The following EYA4 variants were observed in gnomAD, a reference collection of about 807,000 sequenced individuals.
EYA4 encodes protein phosphatase EYA4.
EYA4 carries 31 observed loss-of-function variants against 87.9 expected under a neutral mutation model. The observed-to-expected ratio is 0.35, with a 90% CI of 0.27 to 0.48. The LOEUF (loss-of-function observed/expected upper bound fraction) is 0.48, where lower values mean the gene tolerates loss of function less well. EYA4 is among the 20% of genes least tolerant of loss of function. The pLI is 0.99. For missense variants in EYA4, 678 were observed against 761.4 expected (o/e 0.89, Z 1.29); for synonymous variants, 263 against 270.6 (o/e 0.97, Z 0.28).
intron 2 of EYA4, among the ~76,000 whole-genome samples, chr6:133,310,661 A>G (rs1295745231): frequency 1.3e-5 from 2 of 152,226 alleles, no homozygotes; most frequent in Non-Finnish European, 2.9e-5. Context: ...CAGTGACTAA[A>G]AGATATTTGG....
intron 3 of EYA4, among the ~76,000 whole-genome samples, chr6:133,399,484 GA>G (rs147715035): frequency 9.3e-5 from 14 of 150,682 alleles, no homozygotes; most frequent in African/African-American, 1.7e-4. Flanking sequence ...AAGCTGTTGA[GA>G]AAAAAAAATA....
rs555042794 is a variant in EYA4, at chr6:133,290,132, A to G, written c.33+15319A>G. 4.1e-4 allele frequency among the ~76,000 whole-genome samples: 63 copies of G among 152,270 alleles called. No homozygotes were observed. The South Asian group carries it at 0.012, about 30-fold the overall frequency. The stretch of plus-strand genomic sequence containing the variant: ...ATGAATGTATATATAATATAAATGC[A>G]TTAACTCATTTAATTCTCATGACGA... On this transcript the variant is annotated intron_variant, in intron 2 of 19. Coordinates refer to ENST00000355286, the MANE Select transcript of EYA4 (RefSeq NM_004100.5).
intron 1 of EYA4, among the ~76,000 whole-genome samples, chr6:133,256,161 T>A (rs2128237161): frequency 6.6e-6 from 1 of 151,472 alleles, no homozygotes; most frequent in Middle Eastern, 3.4e-3. Context: ...TACTCCACTA[T>A]GATTAGGATA....
intron 1 of EYA4, among the ~76,000 whole-genome samples, chr6:133,265,290 A>C (rs1776126441): frequency 1.3e-5 from 2 of 151,652 alleles, no homozygotes; most frequent in South Asian, 4.2e-4. Context: ...TTTTGCTGTT[A>C]CTTTCAGTGG....
chr6:133,381,435 G>A (rs1422349069), intron 2 of EYA4, among the ~76,000 whole-genome samples: 4 of 152,088 alleles, frequency 2.6e-5, no homozygotes, highest in Non-Finnish European at 1.5e-5. Context: ...TTACTTTTAA[G>A]TGGTACTGTT....
chr6:133,476,312 T>C (rs1795726967), intron 11 of EYA4, among the ~76,000 whole-genome samples: 1 of 152,090 alleles, frequency 6.6e-6, no homozygotes, highest in Non-Finnish European at 1.5e-5. Context: ...ACATTGTTAC[T>C]ACGTATAGTA....
chr6:133,415,233 C>T (rs1171785489), intron 3 of EYA4, among the ~76,000 whole-genome samples: 1 of 152,168 alleles, frequency 6.6e-6, no homozygotes, highest in Non-Finnish European at 1.5e-5. Flanking sequence ...GTAAGTGATC[C>T]ACTAGAGTGA....
chr6:133,525,095 G>A, intron 18 of EYA4, 59 bp from the exon 19 acceptor site: 2 of 1,613,630 alleles, frequency 1.2e-6, no homozygotes, highest in Admixed American at 3.3e-5. Flanking sequence ...TGGCCGAGAT[G>A]AGGAGCATGC....
At chr6:133,292,086 A>G (rs1778535310) in intron 2 of EYA4, among the ~76,000 whole-genome samples, 1 of 152,184 alleles carries the variant, frequency 6.6e-6, no homozygotes, top group Admixed American at 6.5e-5. Flanking sequence ...GTTTATGTTA[A>G]GTAAGTTGTT....
In EYA4 at chr6:133,297,792, C is replaced by G. The variant is rs190530063; in HGVS notation, c.33+22979C>G. On this transcript the variant is annotated intron_variant, in intron 2 of 19. Transcript: ENST00000355286. ...AACATCTGATTCACAGTAGTTCTTG[C>G]TGACATGCAACGTTGTAAACATAGG... 7.9e-5 allele frequency among the ~76,000 whole-genome samples: 12 copies of G among 152,314 alleles called. No homozygotes were observed. The East Asian group carries it at 1.9e-3, about 25-fold the overall frequency.
chr6:133,497,044 A>G (rs1462785045), intron 13 of EYA4, among the ~76,000 whole-genome samples: 3 of 151,984 alleles, frequency 2.0e-5, no homozygotes, highest in African/African-American at 7.3e-5. Context: ...ACTGAGTATC[A>G]TTTTTTTACT....
intron 2 of EYA4, among the ~76,000 whole-genome samples, chr6:133,344,085 A>G (rs181103843): frequency 5.5e-4 from 83 of 152,192 alleles, no homozygotes; most frequent in African/African-American, 1.8e-3. Flanking sequence ...TTCATTCAGT[A>G]TGAGTGAAGA....
At chr6:133,251,315 G>A (rs774040534) in intron 1 of EYA4, among the ~76,000 whole-genome samples, 3 of 151,992 alleles carry the variant, frequency 2.0e-5, no homozygotes, top group Non-Finnish European at 4.4e-5. Context: ...TAGTCAGTGG[G>A]CCTGATGAAC....
At chr6:133,441,784 G>A (rs1253607546) in intron 3 of EYA4, among the ~76,000 whole-genome samples, 1 of 152,034 alleles carries the variant, frequency 6.6e-6, no homozygotes, top group Non-Finnish European at 1.5e-5. Context: ...AGTCAGGGTG[G>A]AGCAGGTAAT....
At chr6:133,297,770 ATCTGATTCACAGTAGTTCTTGCTG>A (rs1779053871) in intron 2 of EYA4, among the ~76,000 whole-genome samples, 1 of 152,240 alleles carries the variant, frequency 6.6e-6, no homozygotes, top group Admixed American at 6.5e-5. Context: ...TTCTCTGAAC[ATCTGATTCACAGTAGTTCTTGCTG>A]ACATGCAACG....
chr6:133,274,680 AC>A, intron 1 of EYA4, 35 bp from the exon 2 acceptor site: 1 of 961,970 alleles, frequency 1.0e-6, no homozygotes, highest in Non-Finnish European at 1.7e-6. Context: ...TATAAAGATA[AC>A]ATTTTTCCCC....
chr6:133,335,650 A>G (rs1782309063), intron 2 of EYA4, among the ~76,000 whole-genome samples: 1 of 152,208 alleles, frequency 6.6e-6, no homozygotes, highest in Non-Finnish European at 1.5e-5. Flanking sequence ...GGAATTAAGT[A>G]GGAAGAGGTT....
intron 3 of EYA4, among the ~76,000 whole-genome samples, chr6:133,389,758 C>A (rs1005167867): frequency 6.6e-6 from 1 of 152,182 alleles, no homozygotes; most frequent in African/African-American, 2.4e-5. Context: ...TTCTTGCTCC[C>A]TTTCCTAATC....
At chr6:133,324,560 A>AT (rs1175891393) in intron 2 of EYA4, among the ~76,000 whole-genome samples, 2 of 152,016 alleles carry the variant, frequency 1.3e-5, no homozygotes, top group South Asian at 2.1e-4. Flanking sequence ...TTTATGAATT[A>AT]TTTTTTCTAT....
Sources: gnomAD v4.1 joint callset for allele counts (sites outside exome capture counted in the v4.1 genomes callset) on GRCh38, gnomAD v4.1.1 for gene constraint, MANE v1.5 for transcripts, NCBI Gene and HGNC (gene_info 2026-07-23, HGNC 2026-07-21) for gene names.